LEPR: variants seen among roughly 807,000 people sequenced by gnomAD.
LEPR encodes leptin receptor.
Under a neutral mutation model 114.7 loss-of-function variants are expected in LEPR, and 56 were observed. That is an observed-to-expected ratio of 0.49 (90% confidence interval 0.39 to 0.61). The LOEUF is 0.61. Among genes scored for constraint, LEPR ranks in the 20% least tolerant of loss-of-function variants. LEPR has a pLI of 0.00. For synonymous variants in LEPR, 443 were observed against 461.4 expected, an observed-to-expected ratio of 0.96 and a Z score of 0.51; for missense variants, 1,202 against 1,352.9, an observed-to-expected ratio of 0.89 and a Z score of 1.75.
At chr1:65,447,528 TC>T (rs59695266) in intron 2 of LEPR, among the ~76,000 whole-genome samples, 59,785 of 148,146 alleles carry the variant, frequency 0.4, 13,358 homozygotes, top group Middle Eastern at 0.53. Flanking sequence ...TTGTGATTTT[TC>T]TTTTCTTTTT....
In LEPR at chr1:65,633,650, C is replaced by A. The variant is rs1557708581; in HGVS notation, c.2674-2541C>A. ...AATATTTAGTTTGTATTTTTATGTCCAAACTTTTCCATTTTAGATTCCTTT... is the reference window on the plus strand; with the variant it reads ...AATATTTAGTTTGTATTTTTATGTCAAAACTTTTCCATTTTAGATTCCTTT... On this transcript the variant is annotated intron_variant, in intron 19 of 19. Coordinates refer to ENST00000349533, the MANE Select transcript of LEPR (RefSeq NM_002303.6). This position sits in a 1 kb window ranked among gnomAD's most constrained non-coding sequence, Gnocchi z 4.1. The A allele has an allele frequency of 7.1e-6, 7 of 985,574 alleles. No individual in the cohort carries two copies. Among genetic ancestry groups the A allele is most frequent in the Non-Finnish European group, 8.4e-6 (7 of 830,090 alleles). The allele number at this position is 985,574 out of a possible 1,614,324, so 61.1% of individuals were successfully genotyped here. A position where few individuals can be genotyped will look rare whatever the true frequency, so the allele number is the denominator to read the frequency against.
At chr1:65,456,244 TGCGTG>T (rs1646874469) in intron 2 of LEPR, among the ~76,000 whole-genome samples, 1 of 152,074 alleles carries the variant, frequency 6.6e-6, no homozygotes, top group Admixed American at 6.5e-5. Context: ...ACCCGTCTTC[TGCGTG>T]GCTCACGCTG....
chr1:65,583,841 A>G (rs1216935983), intron 5 of LEPR, among the ~76,000 whole-genome samples: 2 of 152,152 alleles, frequency 1.3e-5, no homozygotes, highest in Non-Finnish European at 2.9e-5. Flanking sequence ...GCTATCATTA[A>G]TATGCTCTAC....
chr1:65,489,666 G>GT (rs1325342297), intron 2 of LEPR, among the ~76,000 whole-genome samples: 5 of 151,994 alleles, frequency 3.3e-5, no homozygotes, highest in African/African-American at 1.2e-4. Context: ...ATCTTTTGAG[G>GT]TATTACTCAA....
At chr1:65,467,335 C>A (rs1250028770) in intron 2 of LEPR, among the ~76,000 whole-genome samples, 1 of 152,184 alleles carries the variant, frequency 6.6e-6, no homozygotes, top group East Asian at 1.9e-4. Flanking sequence ...ACTCCAGACC[C>A]TGTTTGCCTG....
intron 2 of LEPR, among the ~76,000 whole-genome samples, chr1:65,453,611 G>C (rs1646820723): frequency 6.6e-6 from 1 of 152,110 alleles, no homozygotes; most frequent in African/African-American, 2.4e-5. Flanking sequence ...TCTTAATCCT[G>C]CGTTCTAGTT....
At chr1:65,518,335 AT>A (rs2100571510) in intron 2 of LEPR, among the ~76,000 whole-genome samples, 1 of 152,278 alleles carries the variant, frequency 6.6e-6, no homozygotes, top group East Asian at 1.9e-4. Flanking sequence ...TTTTTCTTAG[AT>A]AATCTTGTCT....
intron 2 of LEPR, among the ~76,000 whole-genome samples, chr1:65,496,039 TAGAAG>T (rs1648138494): frequency 6.6e-6 from 1 of 152,110 alleles, no homozygotes; most frequent in Admixed American, 6.6e-5. Context: ...TCAAAACAGT[TAGAAG>T]AGAGAATTTT....
chr1:65,470,351 G>A (rs552138822), intron 2 of LEPR, among the ~76,000 whole-genome samples: 3 of 152,294 alleles, frequency 2.0e-5, no homozygotes, highest in South Asian at 4.1e-4. Context: ...TGGCAGCTAC[G>A]TATTTTAAAT....
intron 2 of LEPR, among the ~76,000 whole-genome samples, chr1:65,481,871 C>G (rs1364022192): frequency 7.1e-6 from 1 of 140,978 alleles, no homozygotes; most frequent in Admixed American, 7.0e-5. Flanking sequence ...TAAACAAAAA[C>G]AAGAAAAAGA....
intron 2 of LEPR, among the ~76,000 whole-genome samples, chr1:65,444,814 G>A (rs1646693511): frequency 6.6e-6 from 1 of 152,134 alleles, no homozygotes; most frequent in East Asian, 1.9e-4. Context: ...TTGTAATAAT[G>A]TGTGCTCATA....
intron 2 of LEPR, among the ~76,000 whole-genome samples, chr1:65,510,182 G>T (rs772424765): frequency 6.6e-6 from 1 of 152,164 alleles, no homozygotes; most frequent in African/African-American, 2.4e-5. Flanking sequence ...TAGGGTTCCC[G>T]AAGACCATCT....
At chr1:65,599,327 C>G (rs1656287643) in intron 8 of LEPR, among the ~76,000 whole-genome samples, 1 of 152,064 alleles carries the variant, frequency 6.6e-6, no homozygotes, top group Admixed American at 6.6e-5. Context: ...ATAGAGGCTC[C>G]AGAGGCTTGG....
At chr1:65,520,204 AG>A in intron 2 of LEPR, among the ~76,000 whole-genome samples, 1 of 152,148 alleles carries the variant, frequency 6.6e-6, no homozygotes, top group Non-Finnish European at 1.5e-5. Flanking sequence ...TATGATGCCC[AG>A]GCTGGTCTTG....
At chr1:65,632,414 AG>A (rs902299363) in intron 19 of LEPR, among the ~76,000 whole-genome samples, 1 of 152,138 alleles carries the variant, frequency 6.6e-6, no homozygotes, top group African/African-American at 2.4e-5. Context: ...ACCAGGAGAG[AG>A]TATAAATTAA....
chr1:65,420,837 C>T, intron 1 of LEPR, 97 bp downstream of exon 1: 2 of 1,420,246 alleles, frequency 1.4e-6, no homozygotes, highest in Non-Finnish European at 1.9e-6. Context: ...CGTTGGGGAA[C>T]GGCCTCACCA....
At chr1:65,634,898 G>A (rs1487336928) in intron 19 of LEPR, 3 of 831,428 alleles carry the variant, frequency 3.6e-6, no homozygotes, top group Non-Finnish European at 1.4e-6. Context: ...ACAGGCATAG[G>A]AACAGTTTTC....
chr1:65,431,702 T>A, intron 2 of LEPR: 1 of 1,253,132 alleles, frequency 8.0e-7, no homozygotes, highest in Non-Finnish European at 1.1e-6. Context: ...CAGCTTTGTG[T>A]AACATTTCAT....
At chr1:65,565,724 A>G (rs1366315320) in intron 3 of LEPR, 119 bp downstream of exon 3, 1 of 1,283,308 alleles carries the variant, frequency 7.8e-7, no homozygotes, top group Non-Finnish European at 1.1e-6. Context: ...AGGAATTCTC[A>G]TACATGCTTA....
Sources: gnomAD v4.1 joint callset for allele counts (sites outside exome capture counted in the v4.1 genomes callset) on GRCh38, gnomAD v4.1.1 for gene constraint, Gnocchi (gnomAD v3.1) non-coding constraint, MANE v1.5 for transcripts, NCBI Gene and HGNC (gene_info 2026-07-23, HGNC 2026-07-21) for gene names.